The following C1orf105 variants were observed in gnomAD, a reference collection of about 807,000 sequenced individuals.
The protein encoded by C1orf105 is uncharacterized protein C1orf105.
C1orf105 carries 17 observed loss-of-function variants against 20.8 expected under a neutral mutation model. The observed-to-expected ratio is 0.82, with a 90% CI of 0.56 to 1.23. The LOEUF (loss-of-function observed/expected upper bound fraction) is 1.23, where lower values mean the gene tolerates loss of function less well. C1orf105 is among the 50% of genes most tolerant of loss of function. The probability of loss-of-function intolerance (pLI) is 0.00; values close to 1 mark genes in which losing one functional copy is unlikely to be tolerated. For missense variants in C1orf105, 219 were observed against 213.5 expected, an observed-to-expected ratio of 1.03 and a Z score of -0.16; for synonymous variants, 72 against 72.1, an observed-to-expected ratio of 1.00 and a Z score of 0.01.
intron 1 of C1orf105, among the ~76,000 whole-genome samples, chr1:172,427,070 A>G (rs1573825543): frequency 6.6e-6 from 1 of 152,178 alleles, no homozygotes; most frequent in African/African-American, 2.4e-5. Context: ...TACACTAAGC[A>G]TCCCTTGTTC....
intron 1 of C1orf105, among the ~76,000 whole-genome samples, chr1:172,428,374 A>G (rs1179675515): frequency 1.3e-5 from 2 of 152,186 alleles, no homozygotes; most frequent in Non-Finnish European, 2.9e-5. Flanking sequence ...AATGGCTCCT[A>G]TCTCAGAGTA....
At chr1:172,442,067 A>G (rs1647369825) in intron 1 of C1orf105, 2 of 1,614,216 alleles carry the variant, frequency 1.2e-6, no homozygotes. Context: ...AAGCATACAG[A>G]AGCAAAGATG....
intron 1 of C1orf105, among the ~76,000 whole-genome samples, chr1:172,426,625 C>T (rs1361827404): frequency 6.6e-6 from 1 of 151,864 alleles, no homozygotes; most frequent in Non-Finnish European, 1.5e-5. Flanking sequence ...TCTTGCTCTC[C>T]ACTCTATCTC....
rs113962659 is a variant in C1orf105 at position 172,420,865 on chromosome 1, G to A, written c.-21G>A. On this transcript the variant is annotated 5_prime_UTR_variant, in exon 1 of 7. Transcript: ENST00000367727. ...CCCAGTCTCCAGCTAGAAAAACTCAGAACATCTAAAGATCTGAAAGATGGA... is the reference window on the plus strand; with the variant it reads ...CCCAGTCTCCAGCTAGAAAAACTCAAAACATCTAAAGATCTGAAAGATGGA... 14 of 1,611,110 alleles carry A rather than the reference G, an allele frequency of 8.7e-6. No individual in the cohort carries two copies. The highest frequency in any genetic ancestry group is 1.7e-5 in the Admixed American group (1 of 59,834).
intron 2 of C1orf105, among the ~76,000 whole-genome samples, chr1:172,446,038 C>A (rs1208159135): frequency 6.6e-6 from 1 of 152,136 alleles, no homozygotes; most frequent in Non-Finnish European, 1.5e-5. Flanking sequence ...GTCTCCACAT[C>A]CCCACTTTAG....
intron 6 of C1orf105, chr1:172,465,720 A>T (rs1650000887): frequency 2.1e-6 from 1 of 468,224 alleles, no homozygotes; most frequent in Non-Finnish European, 4.3e-6. Context: ...AGGGAACTGC[A>T]TCTCTATACC....
chr1:172,466,078 C>T (rs1650032342), intron 6 of C1orf105, among the ~76,000 whole-genome samples: 1 of 152,160 alleles, frequency 6.6e-6, no homozygotes, highest in African/African-American at 2.4e-5. Context: ...TAAAGAAAAT[C>T]AGGATAACTT....
chr1:172,441,505 G>A (rs1161757781), intron 1 of C1orf105: 7 of 408,082 alleles, frequency 1.7e-5, no homozygotes, highest in Non-Finnish European at 2.6e-5. Context: ...ATATGTTACA[G>A]CATGTAATTC....
chr1:172,459,945 C>T (rs1048350123), intron 4 of C1orf105, among the ~76,000 whole-genome samples: 1 of 152,048 alleles, frequency 6.6e-6, no homozygotes, highest in Non-Finnish European at 1.5e-5. Context: ...AAACCAGATG[C>T]AAAAGATCAC....
At chr1:172,436,163 G>A (rs866429101) in intron 1 of C1orf105, among the ~76,000 whole-genome samples, 4 of 152,114 alleles carry the variant, frequency 2.6e-5, no homozygotes, top group East Asian at 3.8e-4. Context: ...TGGCCATACC[G>A]CCCAAGGTAA....
At chr1:172,448,925 A>C (rs1387565571) in intron 3 of C1orf105, among the ~76,000 whole-genome samples, 1 of 150,458 alleles carries the variant, frequency 6.6e-6, no homozygotes, top group Non-Finnish European at 1.5e-5. Context: ...TACATTAAAA[A>C]CTCCTCATTT....
At chr1:172,446,997 G>A (rs764152390) in intron 2 of C1orf105, among the ~76,000 whole-genome samples, 4 of 152,136 alleles carry the variant, frequency 2.6e-5, no homozygotes, top group Middle Eastern at 3.2e-3. Context: ...AAAGGTGACC[G>A]AACAGCACCT....
At chr1:172,423,143 T>G (rs748143753) in intron 1 of C1orf105, among the ~76,000 whole-genome samples, 4 of 152,188 alleles carry the variant, frequency 2.6e-5, no homozygotes, top group Admixed American at 6.5e-5. Context: ...ACATAGATGG[T>G]AGCCACGTAA....
At chr1:172,463,104 A>G (rs1159509398) in intron 5 of C1orf105, among the ~76,000 whole-genome samples, 1 of 152,040 alleles carries the variant, frequency 6.6e-6, no homozygotes, top group Non-Finnish European at 1.5e-5. Context: ...TTTTTCTTCT[A>G]TATTTAACTA....
chr1:172,455,699 C>G (rs1405776399), intron 3 of C1orf105, among the ~76,000 whole-genome samples: 1 of 152,202 alleles, frequency 6.6e-6, no homozygotes, highest in Non-Finnish European at 1.5e-5. Flanking sequence ...TTACAGTGAG[C>G]AGACACGGTG....
At chr1:172,421,501 T>C (rs953958444) in intron 1 of C1orf105, among the ~76,000 whole-genome samples, 5 of 152,226 alleles carry the variant, frequency 3.3e-5, no homozygotes, top group South Asian at 4.1e-4. Flanking sequence ...CACCACAAGT[T>C]GAAAATATTG....
chr1:172,449,589 A>G (rs1368302724), intron 3 of C1orf105, among the ~76,000 whole-genome samples: 1 of 152,216 alleles, frequency 6.6e-6, no homozygotes, highest in Non-Finnish European at 1.5e-5. Context: ...CTGAGCATAC[A>G]TGAAAGGGAA....
At chr1:172,458,971 G>A (rs755282311) in intron 4 of C1orf105, among the ~76,000 whole-genome samples, 47 of 152,012 alleles carry the variant, frequency 3.1e-4, no homozygotes, top group African/African-American at 9.7e-4. Flanking sequence ...TAAGTGGTAC[G>A]GGGGCAGCTG....
intron 6 of C1orf105, among the ~76,000 whole-genome samples, chr1:172,466,573 T>TAC (rs3980398): frequency 0.012 from 1,746 of 147,242 alleles, 16 homozygotes; most frequent in African/African-American, 0.023. Context: ...ATGAATCACA[T>TAC]ACACACACAC....
Sources: gnomAD v4.1 joint callset for allele counts (sites outside exome capture counted in the v4.1 genomes callset) on GRCh38, gnomAD v4.1.1 for gene constraint, MANE v1.5 for transcripts, NCBI Gene and HGNC (gene_info 2026-07-23, HGNC 2026-07-21) for gene names.